CDH9: variants seen among roughly 807,000 people sequenced by gnomAD.
The protein encoded by CDH9 is cadherin-9.
Under a neutral mutation model 70.9 loss-of-function variants are expected in CDH9, and 28 were observed. The observed-to-expected ratio is 0.40, with a 90% CI of 0.29 to 0.54. CDH9 has a LOEUF of 0.54. Ranked by LOEUF, CDH9 falls within the 20% of genes least tolerant of loss-of-function variation. The pLI is 0.59. For missense variants in CDH9, 874 were observed against 984.4 expected, an observed-to-expected ratio of 0.89 and a Z score of 1.50; for synonymous variants, 409 against 343.1, an observed-to-expected ratio of 1.19 and a Z score of -2.12.
At chr5:26,972,775 G>A (rs1742241792) in intron 2 of CDH9, among the ~76,000 whole-genome samples, 1 of 152,130 alleles carries the variant, frequency 6.6e-6, no homozygotes, top group Non-Finnish European at 1.5e-5. Flanking sequence ...TTTAGTTGCA[G>A]ATTGTGGGTA....
chr5:26,973,528 C>T (rs115748993), intron 2 of CDH9, among the ~76,000 whole-genome samples: 304 of 151,838 alleles, frequency 2.0e-3, no homozygotes, highest in African/African-American at 7.1e-3. Context: ...AATTCAAGAC[C>T]GAATTTAAAT....
At chr5:26,924,172 G>T (rs967053760) in intron 2 of CDH9, among the ~76,000 whole-genome samples, 3 of 151,786 alleles carry the variant, frequency 2.0e-5, no homozygotes, top group Non-Finnish European at 4.4e-5. Context: ...TAAAAAAGAA[G>T]TAAATAAGTA....
chr5:26,904,047 T>G (rs1284345769), intron 5 of CDH9, among the ~76,000 whole-genome samples: 1 of 151,690 alleles, frequency 6.6e-6, no homozygotes, highest in Admixed American at 6.6e-5. Flanking sequence ...GAAAAAAAAA[T>G]TAGAGAATGT....
At chr5:26,923,665 C>T (rs1400788898) in intron 2 of CDH9, among the ~76,000 whole-genome samples, 1 of 151,920 alleles carries the variant, frequency 6.6e-6, no homozygotes, top group East Asian at 1.9e-4. Flanking sequence ...GACGTTAGGC[C>T]ACAAAACATA....
intron 1 of CDH9, among the ~76,000 whole-genome samples, chr5:27,010,567 T>C (rs142086798): frequency 1.2e-3 from 181 of 152,264 alleles, no homozygotes; most frequent in Non-Finnish European, 2.2e-3. Flanking sequence ...AATATTCTGT[T>C]TTCCCACATT....
chr5:26,905,104 G>GA (rs1467060912), intron 5 of CDH9, among the ~76,000 whole-genome samples: 95 of 152,158 alleles, frequency 6.2e-4, no homozygotes, highest in Middle Eastern at 3.4e-3. Flanking sequence ...AATTGGCCTG[G>GA]AAAAATGTTT....
chr5:26,963,035 GAAT>G (rs1742065150), intron 2 of CDH9, among the ~76,000 whole-genome samples: 1 of 151,944 alleles, frequency 6.6e-6, no homozygotes, highest in Non-Finnish European at 1.5e-5. Context: ...AACTATAAAA[GAAT>G]GTTAAAAAAT....
chr5:26,923,180 G>T (rs533465075), intron 2 of CDH9, among the ~76,000 whole-genome samples: 1 of 150,352 alleles, frequency 6.7e-6, no homozygotes, highest in Non-Finnish European at 1.5e-5. Flanking sequence ...CTACATCTAT[G>T]AAGACACACA....
At chr5:26,890,601 C>A in intron 7 of CDH9, 37 bp from the exon 8 acceptor site, 1 of 1,514,352 alleles carries the variant, frequency 6.6e-7, no homozygotes, top group African/African-American at 1.4e-5. Context: ...AGGCATTCTT[C>A]TAAGGTTATT....
chr5:26,931,188 G>A (rs1159222009), intron 2 of CDH9, among the ~76,000 whole-genome samples: 1 of 152,054 alleles, frequency 6.6e-6, no homozygotes, highest in East Asian at 1.9e-4. Flanking sequence ...ATTCTGTCTG[G>A]ACAAGAATTT....
At chr5:26,884,433 C>T (rs879412856) in intron 11 of CDH9, among the ~76,000 whole-genome samples, 1 of 152,042 alleles carries the variant, frequency 6.6e-6, no homozygotes, top group Non-Finnish European at 1.5e-5. Context: ...ATCAGTAGCA[C>T]TTAGCTAAAA....
At chr5:26,973,860 C>T (rs1034785201) in intron 2 of CDH9, among the ~76,000 whole-genome samples, 1 of 151,922 alleles carries the variant, frequency 6.6e-6, no homozygotes, top group South Asian at 2.1e-4. Context: ...TTTAATATGC[C>T]CCCATTTTAA....
chr5:26,934,942 A>C (rs945875780), intron 2 of CDH9, among the ~76,000 whole-genome samples: 1 of 152,074 alleles, frequency 6.6e-6, no homozygotes, highest in African/African-American at 2.4e-5. Context: ...TGAAAAAAAA[A>C]AAACACAGAC....
chr5:26,936,302 A>G (rs1741557707), intron 2 of CDH9, among the ~76,000 whole-genome samples: 7 of 152,182 alleles, frequency 4.6e-5, no homozygotes, highest in Admixed American at 4.6e-4. Context: ...ACCACTTGAG[A>G]TTGTAATTAA....
At chr5:27,007,597 A>C (rs183137485) in intron 1 of CDH9, among the ~76,000 whole-genome samples, 1 of 152,230 alleles carries the variant, frequency 6.6e-6, no homozygotes, top group Admixed American at 6.6e-5. Context: ...TAAAGCACAA[A>C]TAAATATATA....
At chr5:27,000,977 G>A (rs576490752) in intron 1 of CDH9, among the ~76,000 whole-genome samples, 1 of 152,044 alleles carries the variant, frequency 6.6e-6, no homozygotes, top group Admixed American at 6.6e-5. Flanking sequence ...GGATGAACAG[G>A]TGAAGCAAAG....
chr5:26,962,716 C>T (rs1395718691), intron 2 of CDH9, among the ~76,000 whole-genome samples: 1 of 152,120 alleles, frequency 6.6e-6, no homozygotes, highest in African/African-American at 2.4e-5. Context: ...AGGTGACAGT[C>T]TTCTGTCACT....
chr5:27,031,781 A>G (rs986178628), intron 1 of CDH9, among the ~76,000 whole-genome samples: 1 of 151,908 alleles, frequency 6.6e-6, no homozygotes, highest in African/African-American at 2.4e-5. Context: ...TGAGTCTGCT[A>G]TGGACTCCCA....
chr5:26,881,762 C>T (rs1579658435), intron 11 of CDH9, 139 bp from the exon 12 acceptor site: 1 of 730,382 alleles, frequency 1.4e-6, no homozygotes, highest in East Asian at 2.7e-5. Flanking sequence ...TGTACAAATA[C>T]AGAGTTCCTC....
Sources: allele counts gnomAD v4.1 joint callset (sites outside exome capture counted in the v4.1 genomes callset), GRCh38; gene constraint gnomAD v4.1.1; transcripts MANE v1.5; gene names NCBI Gene and HGNC (gene_info 2026-07-23, HGNC 2026-07-21).